The following SOX1 variants were observed in gnomAD, a reference collection of about 807,000 sequenced individuals.
The protein encoded by SOX1 is SRY-box transcription factor 1, also known as transcription factor SOX-1.
In SOX1, 1 loss-of-function variant was observed where a neutral mutation model predicts 0.9. The ratio of observed to expected loss-of-function variants is 1.07; its 90% CI spans 0.38 to 5.06. The LOEUF (loss-of-function observed/expected upper bound fraction) is 5.06. SOX1 is among the 30% of genes most tolerant of loss of function. The probability of loss-of-function intolerance (pLI) is 0.16; values close to 1 mark genes in which losing one functional copy is unlikely to be tolerated. For missense variants in SOX1, 564 were observed against 534.4 expected (o/e 1.06, Z -0.55); for synonymous variants, 397 against 265.5 (o/e 1.50, Z -4.81).
At position 112,068,126 on chromosome 13, in the gene SOX1, C is replaced by A; in HGVS notation, c.468C>A (p.Gly156=). 1.1e-6 allele frequency: 1 copy of A among 912,186 alleles called. No individual in the cohort carries two copies. 56.5% of individuals were successfully genotyped at this position (912,186 alleles called of 1,614,324 possible). ...GCGGCGGCGCGGCTGTGGCCATGGG[C>A]GTGGGCGTGGGCGTGGGCGCGGCGG... ...AGGGGAAVAM[G]VGVGVGAAAV... Residue 156 remains glycine, a synonymous_variant, in exon 1 of 1, where the codon GGC becomes GGA. Coordinates refer to ENST00000330949, the MANE Select transcript of SOX1 (RefSeq NM_005986.3). This position sits in a 1 kb window ranked among gnomAD's most constrained non-coding sequence, Gnocchi z 6.9.
rs1358469938 is a variant in SOX1, at chr13:112,070,606, C to T, written c.*1772C>T. 1 of 166,834 alleles carries T rather than the reference C, an allele frequency of 6.0e-6. No homozygotes were observed. Among genetic ancestry groups the T allele is most frequent in the Non-Finnish European group, 1.5e-5 (1 of 68,082 alleles). 10.3% of individuals were successfully genotyped at this position (166,834 alleles called of 1,614,324 possible). A position where few individuals can be genotyped will look rare whatever the true frequency, so the allele number is the denominator to read the frequency against. The stretch of plus-strand genomic sequence containing the variant: ...CGTTTATTTCAGCAGCCTTAGGTTT[C>T]CCCTCGCTTTCTCAACACCCTTCCT... On this transcript the variant is annotated 3_prime_UTR_variant, in exon 1 of 1. Coordinates refer to ENST00000330949, the MANE Select transcript of SOX1 (RefSeq NM_005986.3).
Position 112,068,481 on chromosome 13 carries a change from G to A in SOX1, c.823G>A (p.Gly275Ser). ...YMSASPSGYG[G>S]LPYGAAAAAA... ...GAGCGCGTCGCCCTCGGGCTACGGC[G>A]GCCTCCCCTACGGCGCCGCGGCCGC... Residue 275 changes from glycine to serine, a missense_variant, in exon 1 of 1, where the codon GGC (glycine) becomes AGC (serine). Physicochemically the swap from Gly to Ser is moderately conservative, Grantham distance 56. Coordinates refer to ENST00000330949, the MANE Select transcript of SOX1 (RefSeq NM_005986.3). This position sits in a 1 kb window ranked among gnomAD's most constrained non-coding sequence, Gnocchi z 6.9. The A allele has an allele frequency of 8.9e-7, 1 of 1,124,916 alleles. No individual in the cohort carries two copies. The highest frequency in any genetic ancestry group is 1.1e-6 in the Non-Finnish European group (1 of 911,262). 69.7% of individuals were successfully genotyped at this position (1,124,916 alleles called of 1,614,324 possible). A position where few individuals can be genotyped will look rare whatever the true frequency, so the allele number is the denominator to read the frequency against.
In SOX1 at chr13:112,070,829, T is replaced by C. The variant is rs1875846348; in HGVS notation, c.*1995T>C. Among the ~76,000 whole-genome samples, 1 of 152,206 alleles carries C rather than the reference T, an allele frequency of 6.6e-6. No individual in the cohort carries two copies. Among genetic ancestry groups the C allele is most frequent in the Non-Finnish European group, 1.5e-5 (1 of 68,044 alleles). Reference sequence around the variant, plus strand: ...TGATTACAAAAAAGTTCAAGAATGATGTCCACTGCTTTCTAACAAGATAAT... The same window carrying C: ...TGATTACAAAAAAGTTCAAGAATGACGTCCACTGCTTTCTAACAAGATAAT... On this transcript the variant is annotated 3_prime_UTR_variant, in exon 1 of 1. Coordinates refer to ENST00000330949, the MANE Select transcript of SOX1 (RefSeq NM_005986.3).
chr13:112,068,523 G>A lies in SOX1; in HGVS notation c.865G>A (p.Gly289Ser). 2 of 1,002,648 alleles carry A rather than the reference G, an allele frequency of 2.0e-6. No homozygotes were observed. Among genetic ancestry groups the A allele is most frequent in the Non-Finnish European group, 2.4e-6 (2 of 842,616 alleles). 62.1% of individuals were successfully genotyped at this position (1,002,648 alleles called of 1,614,324 possible). The change falls in exon 1 of 1, where the codon GGC becomes AGC. Residue 289 changes from glycine to serine, a missense_variant. Gly to Ser is a moderately conservative substitution (Grantham distance 56, BLOSUM62 0). Coordinates refer to ENST00000330949, the MANE Select transcript of SOX1 (RefSeq NM_005986.3). The surrounding 1 kb of genome is among the most constrained non-coding windows in gnomAD (Gnocchi z 6.9). ...CGCGGCCGCCGCCGCCGCCGCTGCG[G>A]GCGGCGCGCACCAGAACTCGGCCGT... is the stretch of plus-strand genomic sequence containing the variant. ...GAAAAAAAAA[G>S]GAHQNSAVAA...
rs1256191561 is a variant in SOX1 at position 112,068,744 on chromosome 13, C to T, written c.1086C>T (p.Ala362=). The T allele has an allele frequency of 2.5e-6, 3 of 1,193,886 alleles. No individual in the cohort carries two copies. Among genetic ancestry groups the T allele is most frequent in the Admixed American group, 9.0e-5 (2 of 22,104 alleles). The allele number at this position is 1,193,886 out of a possible 1,614,324, so 74.0% of individuals were successfully genotyped here. A position where few individuals can be genotyped will look rare whatever the true frequency, so the allele number is the denominator to read the frequency against. ...EGGDPAAAAA[A]AAQSRLHSLP... Reference sequence around the variant, plus strand: ...GCGACCCGGCGGCGGCAGCAGCGGCCGCGGCGCAGAGCCGGCTGCACTCGC... The same window carrying T: ...GCGACCCGGCGGCGGCAGCAGCGGCTGCGGCGCAGAGCCGGCTGCACTCGC... Residue 362 remains alanine, a synonymous_variant, in exon 1 of 1, where the codon GCC becomes GCT. Transcript: ENST00000330949. This position sits in a 1 kb window ranked among gnomAD's most constrained non-coding sequence, Gnocchi z 6.9.
chr13:112,069,355 T>C lies in SOX1; in HGVS notation c.*521T>C, dbSNP rs1431815173. 5 of 167,142 alleles carry C rather than the reference T, an allele frequency of 3.0e-5. No homozygotes were observed. Among genetic ancestry groups the C allele is most frequent in the Non-Finnish European group, 7.3e-5 (5 of 68,130 alleles). 10.4% of individuals were successfully genotyped at this position (167,142 alleles called of 1,614,324 possible). A position where few individuals can be genotyped will look rare whatever the true frequency, so the allele number is the denominator to read the frequency against. On this transcript the variant is annotated 3_prime_UTR_variant, in exon 1 of 1. Transcript: ENST00000330949. ...GCTCTTTTGGGTTGGTTTGTTAATTTATACAAAGAGATTACCACCACCACC... is the reference window on the plus strand; with the variant it reads ...GCTCTTTTGGGTTGGTTTGTTAATTCATACAAAGAGATTACCACCACCACC...
Position 112,068,194 on chromosome 13 carries a change from G to A in SOX1, c.536G>A (p.Gly179Asp). 1.2e-6 allele frequency: 1 copy of A among 803,150 alleles called. No homozygotes were observed. Among genetic ancestry groups the A allele is most frequent in the Non-Finnish European group, 1.5e-6 (1 of 662,254 alleles). The allele number at this position is 803,150 out of a possible 1,614,324, so 49.8% of individuals were successfully genotyped here. ...RLESPGGAAGGGYAHVNGWAN... is the reference protein window; with the variant it reads ...RLESPGGAAGDGYAHVNGWAN... ...GAGAGCCCAGGCGGCGCGGCGGGCGGCGGCTACGCGCACGTCAACGGCTGG... is the reference window on the plus strand; with the variant it reads ...GAGAGCCCAGGCGGCGCGGCGGGCGACGGCTACGCGCACGTCAACGGCTGG... The change falls in exon 1 of 1, where the codon GGC (glycine) becomes GAC (aspartate). Residue 179 changes from glycine to aspartate, a missense_variant. Gly to Asp is a moderately conservative substitution (Grantham distance 94, BLOSUM62 -1). Coordinates refer to ENST00000330949, the MANE Select transcript of SOX1 (RefSeq NM_005986.3). The surrounding 1 kb of genome is among the most constrained non-coding windows in gnomAD (Gnocchi z 6.9).
chr13:112,068,378 G>C lies in SOX1; in HGVS notation c.720G>C (p.Pro240=). Residue 240 remains proline (P), a synonymous_variant, in exon 1 of 1, where the codon CCG becomes CCC. Coordinates refer to ENST00000330949, the MANE Select transcript of SOX1 (RefSeq NM_005986.3). The surrounding 1 kb of genome is among the most constrained non-coding windows in gnomAD (Gnocchi z 6.9). ...HPHPHHPHAH[P]HNPQPMHRYD... ...ACCCGCACCACCCGCACGCGCACCC[G>C]CACAACCCGCAGCCCATGCACCGCT... 4 of 1,278,496 alleles carry C rather than the reference G, an allele frequency of 3.1e-6. No homozygotes were observed. Among genetic ancestry groups the C allele is most frequent in the Non-Finnish European group, 4.0e-6 (4 of 991,980 alleles). 79.2% of individuals were successfully genotyped at this position (1,278,496 alleles called of 1,614,324 possible).
In SOX1 at chr13:112,070,878, TCTTTATTTTTATTTCTTTTA is replaced by T. The variant is rs1566476948; in HGVS notation, c.*2045_*2064del. On this transcript the variant is annotated 3_prime_UTR_variant, in exon 1 of 1. Transcript: ENST00000330949. ...ATAAACCCCCCCCCTCTTTTCTTTTTCTTTATTTTTATTTCTTTTAGCTATTTGATCCTTTCTGAAGCAGT... is the reference window on the plus strand; with the variant it reads ...ATAAACCCCCCCCCTCTTTTCTTTTTGCTATTTGATCCTTTCTGAAGCAGT... Among the ~76,000 whole-genome samples the T allele has an allele frequency of 6.7e-6, 1 of 148,512 alleles. No homozygotes were observed. Among genetic ancestry groups the T allele is most frequent in the Non-Finnish European group, 1.5e-5 (1 of 67,312 alleles).
Position 112,068,537 on chromosome 13 carries a change from G to A in SOX1, c.879G>A (p.Gln293=), listed in dbSNP as rs1880795755. The A allele has an allele frequency of 2.1e-6, 2 of 959,650 alleles. No individual in the cohort carries two copies. The highest frequency in any genetic ancestry group is 2.5e-6 in the Non-Finnish European group (2 of 810,806). 59.4% of individuals were successfully genotyped at this position (959,650 alleles called of 1,614,324 possible). The change falls in exon 1 of 1, where the codon CAG becomes CAA. Residue 293 remains glutamine (Q), a synonymous_variant. Transcript: ENST00000330949. The surrounding 1 kb of genome is among the most constrained non-coding windows in gnomAD (Gnocchi z 6.9). ...CCGCCGCTGCGGGCGGCGCGCACCA[G>A]AACTCGGCCGTGGCGGCGGCGGCGG... ...AAAAAAGGAH[Q]NSAVAAAAAA...
At position 112,067,612 on chromosome 13, in the gene SOX1, C is replaced by T. The variant is rs113831383; in HGVS notation, c.-47C>T. On this transcript the variant is annotated 5_prime_UTR_variant, in exon 1 of 1. Transcript: ENST00000330949. This position sits in a 1 kb window ranked among gnomAD's most constrained non-coding sequence, Gnocchi z 5.1. ...CTCCCTCCCACCCCGGCCGTCTATG[C>T]TCCAGGCCCTCTCCTCGCGGTGCCG... is the stretch of plus-strand genomic sequence containing the variant. The T allele has an allele frequency of 1.7e-6, 2 of 1,183,756 alleles. No homozygotes were observed. Among genetic ancestry groups the T allele is most frequent in the Non-Finnish European group, 1.1e-6 (1 of 933,392 alleles). The allele number at this position is 1,183,756 out of a possible 1,614,324, so 73.3% of individuals were successfully genotyped here. A position where few individuals can be genotyped will look rare whatever the true frequency, so the allele number is the denominator to read the frequency against.
Position 112,068,548 on chromosome 13 carries a change from T to TGGC in SOX1, c.912_914dup (p.Ala306dup), listed in dbSNP as rs931866282. 5.5e-4 allele frequency: 506 copies of TGGC among 919,704 alleles called. No individual in the cohort carries two copies. The highest frequency in any genetic ancestry group is 5.0e-3 in the East Asian group (42 of 8,428). The allele number at this position is 919,704 out of a possible 1,614,324, so 57.0% of individuals were successfully genotyped here. On this transcript the variant is annotated inframe_insertion, in exon 1 of 1. Transcript: ENST00000330949. The surrounding 1 kb of genome is among the most constrained non-coding windows in gnomAD (Gnocchi z 6.9). Reference sequence around the variant, plus strand: ...GGCGGCGCGCACCAGAACTCGGCCGTGGCGGCGGCGGCGGCGGCGGCGGCC... The same window carrying TGGC: ...GGCGGCGCGCACCAGAACTCGGCCGTGGCGGCGGCGGCGGCGGCGGCGGCGGCC...
chr13:112,071,424 G>A lies in SOX1; in HGVS notation c.*2590G>A, dbSNP rs1875872435. Among the ~76,000 whole-genome samples, 1 of 152,156 alleles carries A rather than the reference G, an allele frequency of 6.6e-6. No individual in the cohort carries two copies. Among genetic ancestry groups the A allele is most frequent in the African/African-American group, 2.4e-5 (1 of 41,434 alleles). On this transcript the variant is annotated 3_prime_UTR_variant, in exon 1 of 1. Coordinates refer to ENST00000330949, the MANE Select transcript of SOX1 (RefSeq NM_005986.3). Reference sequence around the variant, plus strand: ...GTTGATTAGAACAACACAGAAAAAAGCAAATATAAATTTTTAATGACTCCA... The same window carrying A: ...GTTGATTAGAACAACACAGAAAAAAACAAATATAAATTTTTAATGACTCCA...
rs942090356 is a variant in SOX1, at chr13:112,071,326, T to C, written c.*2492T>C. On this transcript the variant is annotated 3_prime_UTR_variant, in exon 1 of 1. Coordinates refer to ENST00000330949, the MANE Select transcript of SOX1 (RefSeq NM_005986.3). The stretch of plus-strand genomic sequence containing the variant: ...GCAGCTTTTACAGTTTGGCATCTTA[T>C]TGCAGGTGCTTCGTGCACAGTCAGC... 2.0e-5 allele frequency among the ~76,000 whole-genome samples: 3 copies of C among 152,234 alleles called. No homozygotes were observed. Among genetic ancestry groups the C allele is most frequent in the Admixed American group, 6.5e-5 (1 of 15,286 alleles).
Position 112,068,437 on chromosome 13 carries a change from C to T in SOX1, c.779C>T (p.Ser260Phe). 1 of 1,265,194 alleles carries T rather than the reference C, an allele frequency of 7.9e-7. No homozygotes were observed. Among genetic ancestry groups the T allele is most frequent in the Non-Finnish European group, 1.0e-6 (1 of 983,712 alleles). The allele number at this position is 1,265,194 out of a possible 1,614,324, so 78.4% of individuals were successfully genotyped here. A position where few individuals can be genotyped will look rare whatever the true frequency, so the allele number is the denominator to read the frequency against. Residue 260 changes from serine (S) to phenylalanine (F), a missense_variant, in exon 1 of 1, where the codon TCC becomes TTC. Transcript: ENST00000330949. This position sits in a 1 kb window ranked among gnomAD's most constrained non-coding sequence, Gnocchi z 6.9. ...DMGALQYSPI[S>F]NSQGYMSASP... ...GGCGCGCTGCAGTACAGCCCCATCT[C>T]CAACTCGCAGGGCTACATGAGCGCG... is the stretch of plus-strand genomic sequence containing the variant.
chr13:112,068,248 C>CGGT lies in SOX1; in HGVS notation c.592_593insTGG (p.Ala197_Ala198insVal). ...AACGGCGCCTACCCCGGCTCGGTGG[C>CGGT]GGCGGCGGCGGCGGCCGCGGCCATG... On this transcript the variant is annotated inframe_insertion, in exon 1 of 1. Coordinates refer to ENST00000330949, the MANE Select transcript of SOX1 (RefSeq NM_005986.3). The surrounding 1 kb of genome is among the most constrained non-coding windows in gnomAD (Gnocchi z 6.9). 4.6e-6 allele frequency: 3 copies of CGGT among 651,576 alleles called. No homozygotes were observed. The highest frequency in any genetic ancestry group is 5.7e-6 in the Non-Finnish European group (3 of 521,946). 40.4% of individuals were successfully genotyped at this position (651,576 alleles called of 1,614,324 possible).
chr13:112,067,913 G>A lies in SOX1; in HGVS notation c.255G>A (p.Leu85=). 6.2e-7 allele frequency: 1 copy of A among 1,608,216 alleles called. No homozygotes were observed. Among genetic ancestry groups the A allele is most frequent in the East Asian group, 2.2e-5 (1 of 44,712 alleles). ...ACAACTCGGAGATCAGCAAGCGCCT[G>A]GGGGCCGAGTGGAAGGTCATGTCCG... is the stretch of plus-strand genomic sequence containing the variant. The part of the protein sequence containing the change: ...KMHNSEISKR[L]GAEWKVMSEA... The change falls in exon 1 of 1, where the codon CTG becomes CTA. Residue 85 remains leucine (L), a synonymous_variant. Coordinates refer to ENST00000330949, the MANE Select transcript of SOX1 (RefSeq NM_005986.3). The surrounding 1 kb of genome is among the most constrained non-coding windows in gnomAD (Gnocchi z 5.1).
Position 112,068,705 on chromosome 13 carries a change from C to T in SOX1, c.1047C>T (p.Pro349=). The T allele has an allele frequency of 8.5e-7, 1 of 1,181,698 alleles. No homozygotes were observed. The allele number at this position is 1,181,698 out of a possible 1,614,324, so 73.2% of individuals were successfully genotyped here. The change falls in exon 1 of 1, where the codon CCC becomes CCT. Residue 349 remains proline, a synonymous_variant. Coordinates refer to ENST00000330949, the MANE Select transcript of SOX1 (RefSeq NM_005986.3). This position sits in a 1 kb window ranked among gnomAD's most constrained non-coding sequence, Gnocchi z 6.9. ...DLREMISMYL[P]AGEGGDPAAA... ...GCGAGATGATCAGCATGTACTTGCC[C>T]GCCGGCGAGGGGGGCGACCCGGCGG... is the stretch of plus-strand genomic sequence containing the variant.
rs1043805766 is a variant in SOX1, at chr13:112,070,793, A to G, written c.*1959A>G. ...TTTGATAATTTTGCTTAAACCACTC[A>G]TTCGTTAAAGTGATTACAAAAAAGT... On this transcript the variant is annotated 3_prime_UTR_variant, in exon 1 of 1. Transcript: ENST00000330949. Among the ~76,000 whole-genome samples the G allele has an allele frequency of 1.3e-5, 2 of 152,172 alleles. No homozygotes were observed. The highest frequency in any genetic ancestry group is 1.3e-4 in the Admixed American group (2 of 15,280).
Sources: allele counts gnomAD v4.1 joint callset (sites outside exome capture counted in the v4.1 genomes callset), GRCh38; gene constraint gnomAD v4.1.1; non-coding constraint Gnocchi (gnomAD v3.1); transcripts MANE v1.5; gene names NCBI Gene and HGNC (gene_info 2026-07-23, HGNC 2026-07-21).